Variants in HSD17B12 observed in about 807,000 individuals in gnomAD.
HSD17B12 encodes very-long-chain 3-oxoacyl-CoA reductase.
Under a neutral mutation model 39.3 loss-of-function variants are expected in HSD17B12, and 32 were observed. The observed-to-expected ratio is 0.81, with a 90% CI of 0.61 to 1.09. HSD17B12 has a LOEUF of 1.09. Ranked by LOEUF, HSD17B12 falls within the 50% of genes least tolerant of loss-of-function variation. The pLI is 0.00. For synonymous variants in HSD17B12, 150 were observed against 146.7 expected, an observed-to-expected ratio of 1.02 and a Z score of -0.16; for missense variants, 342 against 382.9, an observed-to-expected ratio of 0.89 and a Z score of 0.89.
chr11:43,645,738 G>A, the HSD17B12 span: 1 of 152,488 alleles, frequency 6.6e-6, no homozygotes, highest in East Asian at 1.9e-4. Flanking sequence ...CAACACTTAG[G>A]GAGGCCAAGG....
chr11:43,665,312 G>A, the HSD17B12 span, among the ~76,000 whole-genome samples: 151,745 of 152,310 alleles, frequency 1, 75,594 homozygotes, highest in Middle Eastern at 1. Context: ...TCCATCTCCC[G>A]GGTTGAAACG....
At chr11:43,736,931 T>C (rs1291769673) in intron 1 of HSD17B12, among the ~76,000 whole-genome samples, 1 of 152,186 alleles carries the variant, frequency 6.6e-6, no homozygotes, top group Non-Finnish European at 1.5e-5. Context: ...GGAATTGAAA[T>C]AGCAATTTTC....
chr11:43,758,412 C>T (rs1950529737), intron 3 of HSD17B12, among the ~76,000 whole-genome samples: 1 of 152,150 alleles, frequency 6.6e-6, no homozygotes, highest in Non-Finnish European at 1.5e-5. Flanking sequence ...CCAAGATTCT[C>T]AGTTTCAGTT....
At chr11:43,797,417 AC>A (rs1317595313) in intron 3 of HSD17B12, among the ~76,000 whole-genome samples, 1 of 152,210 alleles carries the variant, frequency 6.6e-6, no homozygotes. Flanking sequence ...CCGTCTGCGT[AC>A]CATAGGTATC....
At chr11:43,568,774 G>C in the HSD17B12 span, among the ~76,000 whole-genome samples, 1 of 152,186 alleles carries the variant, frequency 6.6e-6, no homozygotes, top group Non-Finnish European at 1.5e-5. Flanking sequence ...TTGGAACTCA[G>C]AGTCTAGCAT....
At chr11:43,712,752 GA>G (rs1298479180) in intron 1 of HSD17B12, among the ~76,000 whole-genome samples, 2 of 152,136 alleles carry the variant, frequency 1.3e-5, no homozygotes, top group African/African-American at 4.8e-5. Flanking sequence ...TTTCTAAACT[GA>G]CTGAGACCTC....
At chr11:43,624,392 C>G in the HSD17B12 span, among the ~76,000 whole-genome samples, 1 of 151,940 alleles carries the variant, frequency 6.6e-6, no homozygotes, top group African/African-American at 2.4e-5. Flanking sequence ...GACTAACTTT[C>G]TAAGTACCTT....
chr11:43,754,291 G>A (rs2134949321), intron 3 of HSD17B12, 170 bp downstream of exon 3: 1 of 572,540 alleles, frequency 1.7e-6, no homozygotes, highest in East Asian at 3.0e-5. Flanking sequence ...ATCAATTTTA[G>A]GCTGGGTGCG....
At chr11:43,648,204 T>A in the HSD17B12 span, among the ~76,000 whole-genome samples, 1 of 152,204 alleles carries the variant, frequency 6.6e-6, no homozygotes, top group Non-Finnish European at 1.5e-5. Flanking sequence ...GGTTCCAGAA[T>A]TTAAATGACA....
chr11:43,744,608 T>C (rs1052204196), intron 1 of HSD17B12, among the ~76,000 whole-genome samples: 5 of 152,212 alleles, frequency 3.3e-5, no homozygotes, highest in Non-Finnish European at 4.4e-5. Context: ...GATGACTAAA[T>C]GTGGTATATC....
chr11:43,773,809 T>C (rs1950672245), intron 3 of HSD17B12, among the ~76,000 whole-genome samples: 1 of 152,234 alleles, frequency 6.6e-6, no homozygotes, highest in African/African-American at 2.4e-5. Flanking sequence ...TTTTCCTAGA[T>C]GTCTACATTT....
At chr11:43,778,061 G>A (rs1950726994) in intron 3 of HSD17B12, among the ~76,000 whole-genome samples, 1 of 152,024 alleles carries the variant, frequency 6.6e-6, no homozygotes, top group Non-Finnish European at 1.5e-5. Flanking sequence ...TTTTTTGAAA[G>A]GATCAACAAA....
At chr11:43,629,236 T>C in the HSD17B12 span, among the ~76,000 whole-genome samples, 1 of 152,206 alleles carries the variant, frequency 6.6e-6, no homozygotes, top group East Asian at 1.9e-4. Flanking sequence ...CTGGCAAACT[T>C]ATTTGCAACA....
intron 3 of HSD17B12, among the ~76,000 whole-genome samples, chr11:43,773,940 C>T (rs1180044106): frequency 6.6e-6 from 1 of 152,092 alleles, no homozygotes; most frequent in Non-Finnish European, 1.5e-5. Flanking sequence ...ATATATTTTA[C>T]TCTATGCCTC....
At chr11:43,630,318 A>C in the HSD17B12 span, among the ~76,000 whole-genome samples, 4 of 152,174 alleles carry the variant, frequency 2.6e-5, no homozygotes, top group Non-Finnish European at 4.4e-5. Flanking sequence ...GATGATCTCT[A>C]AGTCTTCTTG....
At chr11:43,605,966 C>T in the HSD17B12 span, among the ~76,000 whole-genome samples, 3,284 of 152,162 alleles carry the variant, frequency 0.022, 55 homozygotes, top group Non-Finnish European at 0.033. Context: ...GGCTGAGGAG[C>T]CCAGAGTATC....
intron 3 of HSD17B12, among the ~76,000 whole-genome samples, chr11:43,788,283 C>T (rs11037638): frequency 0.21 from 32,503 of 151,714 alleles, 3,685 homozygotes; most frequent in Middle Eastern, 0.37. Flanking sequence ...ATTCGTTTTA[C>T]TAAAAAATAA....
At chr11:43,579,078 G>A in the HSD17B12 span, 1 of 144,886 alleles carries the variant, frequency 6.9e-6, no homozygotes, top group Non-Finnish European at 1.5e-5. Flanking sequence ...GAGATGGGGG[G>A]CGGGGGGGCA....
intron 3 of HSD17B12, among the ~76,000 whole-genome samples, chr11:43,784,257 G>A (rs1950794471): frequency 6.6e-6 from 1 of 151,484 alleles, no homozygotes; most frequent in Middle Eastern, 3.5e-3. Flanking sequence ...TTCATACAAT[G>A]TCTGGAATTT....
Sources: allele counts gnomAD v4.1 joint callset (sites outside exome capture counted in the v4.1 genomes callset), GRCh38; gene constraint gnomAD v4.1.1; transcripts MANE v1.5; gene names NCBI Gene and HGNC (gene_info 2026-07-23, HGNC 2026-07-21).